Variants in ZNF440 observed in about 807,000 individuals in gnomAD.
ZNF440 encodes the protein zinc finger protein 440.
A neutral mutation model predicts 49.7 loss-of-function variants in ZNF440; 47 were observed. The ratio of observed to expected loss-of-function variants is 0.95; its 90% CI spans 0.75 to 1.21. The LOEUF is 1.21. Ranked by LOEUF, ZNF440 falls within the 50% of genes most tolerant of loss-of-function variation. The pLI is 0.00. For missense variants in ZNF440, 703 were observed against 715.0 expected (o/e 0.98, Z 0.19); for synonymous variants, 255 against 237.7 (o/e 1.07, Z -0.67).
intron 1 of ZNF440, among the ~76,000 whole-genome samples, chr19:11,829,563 C>G (rs1372341346): frequency 6.6e-6 from 1 of 151,996 alleles, no homozygotes; most frequent in Non-Finnish European, 1.5e-5. Flanking sequence ...ACCCACAGTC[C>G]AAAGAGACAT....
rs1403944894 is a variant in ZNF440 at position 11,831,502 on chromosome 19, T to C, written c.326T>C (p.Phe109Ser). 6.2e-7 allele frequency: 1 copy of C among 1,613,854 alleles called. No homozygotes were observed. The highest frequency in any genetic ancestry group is 1.3e-5 in the African/African-American group (1 of 74,922). The change falls in exon 4 of 4, where the codon TTT becomes TCT. Residue 109 changes from phenylalanine (F) to serine (S), a missense_variant. Coordinates refer to ENST00000304060, the MANE Select transcript of ZNF440 (RefSeq NM_152357.3). ...ASPEVKSCES[F>S]VCGEVGLGNS... ...CCTGAAGTAAAATCATGTGAAAGCT[T>C]TGTGTGTGGAGAAGTTGGCCTAGGT...
intron 1 of ZNF440, among the ~76,000 whole-genome samples, chr19:11,824,325 A>G (rs1351506838): frequency 6.6e-6 from 1 of 152,184 alleles, no homozygotes; most frequent in Non-Finnish European, 1.5e-5. Flanking sequence ...TAGAGTGTGC[A>G]TTCTAGAAAC....
rs555345914 is a variant in ZNF440, at chr19:11,832,935, G to A, written c.1759G>A (p.Glu587Lys). 231 of 1,608,572 alleles carry A rather than the reference G, an allele frequency of 1.4e-4. No individual in the cohort carries two copies. Among genetic ancestry groups the A allele is most frequent in the Middle Eastern group, 5.0e-4 (3 of 6,036 alleles). Residue 587 changes from glutamate to lysine, a missense_variant, in exon 4 of 4, where the codon GAA becomes AAA. Physicochemically the swap from Glu to Lys is moderately conservative, Grantham distance 56. Coordinates refer to ENST00000304060, the MANE Select transcript of ZNF440 (RefSeq NM_152357.3). ...GNPSDLPRTF[E>K]FMKGHKHT ...CCCTTCGGATCTGCCCAGAACCTTC[G>A]AATTCATGAAAGGACACAAACACAC...
intron 1 of ZNF440, among the ~76,000 whole-genome samples, chr19:11,824,915 A>G (rs1268202144): frequency 1.3e-5 from 2 of 151,740 alleles, no homozygotes; most frequent in Non-Finnish European, 2.9e-5. Flanking sequence ...CACCATATTG[A>G]CCAGGCTGGT....
In ZNF440 at chr19:11,818,613, G is replaced by A. The variant is rs181020585; in HGVS notation, c.3+4163G>A. On this transcript the variant is annotated intron_variant, in intron 1 of 3. Coordinates refer to ENST00000304060, the MANE Select transcript of ZNF440 (RefSeq NM_152357.3). ...GTGGCCCAGGCTGGAGCAGTGGTGC[G>A]ATCATGGCTTACTGCAACCTTGACC... 3.4e-3 allele frequency among the ~76,000 whole-genome samples: 513 copies of A among 152,020 alleles called. 1 individual carries two copies. Among genetic ancestry groups the A allele is most frequent in the Non-Finnish European group, 5.8e-3 (396 of 67,988 alleles).
chr19:11,830,137 T>A lies in ZNF440; in HGVS notation c.4-146T>A, dbSNP rs955424502. ...GTTGCTTTGTGGAAGAAAGTAAGTA[T>A]ACACAGGGAGAAAGAGATCTGATGA... On this transcript the variant is annotated intron_variant, in intron 1 of 3. Transcript: ENST00000304060. 30 of 1,468,972 alleles carry A rather than the reference T, an allele frequency of 2.0e-5. No homozygotes were observed. In the South Asian group the frequency reaches 4.2e-4, roughly 21 times the overall value. 91.0% of individuals were successfully genotyped at this position (1,468,972 alleles called of 1,614,324 possible).
intron 1 of ZNF440, chr19:11,816,828 A>C (rs1312325861): frequency 1.3e-5 from 2 of 152,162 alleles, no homozygotes; most frequent in Non-Finnish European, 2.9e-5. Flanking sequence ...ATGGGGTTTC[A>C]CCATGTTGGC....
chr19:11,815,284 T>TCACTCACACACACACACACA (rs770849579), intron 1 of ZNF440, among the ~76,000 whole-genome samples: 7 of 121,124 alleles, frequency 5.8e-5, no homozygotes, highest in African/African-American at 2.2e-4. Context: ...GGCAACTCCG[T>TCACTCACACACACACACACA]CACACACACA....
chr19:11,821,720 C>T (rs1046130229), intron 1 of ZNF440, among the ~76,000 whole-genome samples: 10 of 152,360 alleles, frequency 6.6e-5, no homozygotes, highest in African/African-American at 2.4e-4. Flanking sequence ...TTCCAGCCAG[C>T]ACGGCCCCTC....
At chr19:11,821,587 G>A (rs999187939) in intron 1 of ZNF440, among the ~76,000 whole-genome samples, 8 of 152,094 alleles carry the variant, frequency 5.3e-5, no homozygotes, top group African/African-American at 1.7e-4. Context: ...GGGGCACACA[G>A]GGGGGTATAG....
intron 1 of ZNF440, among the ~76,000 whole-genome samples, chr19:11,826,105 G>A (rs919799641): frequency 4.6e-5 from 7 of 152,056 alleles, no homozygotes; most frequent in African/African-American, 1.4e-4. Context: ...GCCACCGCAC[G>A]CGGCCAGGGC....
At chr19:11,815,313 C>CAG (rs1344132160) in intron 1 of ZNF440, among the ~76,000 whole-genome samples, 1 of 151,402 alleles carries the variant, frequency 6.6e-6, no homozygotes, top group African/African-American at 2.4e-5. Context: ...CACACACACA[C>CAG]ACACACACAC....
rs934023329 is a variant in ZNF440, at chr19:11,833,817, A to G, written c.*853A>G. On this transcript the variant is annotated 3_prime_UTR_variant, in exon 4 of 4. Transcript: ENST00000304060. ...GCATGGAAGGACTCACACTGGAGAA[A>G]AACCCTATGAATGTAAGCAGTATGG... 2.6e-5 allele frequency: 20 copies of G among 764,818 alleles called. No homozygotes were observed. The highest frequency in any genetic ancestry group is 3.7e-5 in the Non-Finnish European group (19 of 515,144). The allele number at this position is 764,818 out of a possible 1,614,324, so 47.4% of individuals were successfully genotyped here. A position where few individuals can be genotyped will look rare whatever the true frequency, so the allele number is the denominator to read the frequency against.
chr19:11,814,571 C>G (rs544361130), intron 1 of ZNF440, 121 bp downstream of exon 1: 1 of 1,204,134 alleles, frequency 8.3e-7, no homozygotes, highest in East Asian at 3.2e-5. Context: ...CGAGTCCCCT[C>G]GGTCGCAGGG....
At position 11,834,098 on chromosome 19, in the gene ZNF440, T is replaced by TA; in HGVS notation, c.*1135dup. On this transcript the variant is annotated 3_prime_UTR_variant, in exon 4 of 4. Transcript: ENST00000304060. ...ATTTTACTTTTCATGCTTCTGTACT[T>TA]ACATTTTTATCTCAACCTTAATTTT... 1 of 293,508 alleles carries TA rather than the reference T, an allele frequency of 3.4e-6. No individual in the cohort carries two copies. The allele number at this position is 293,508 out of a possible 1,614,324, so 18.2% of individuals were successfully genotyped here.
At chr19:11,827,145 C>A (rs1975876964) in intron 1 of ZNF440, among the ~76,000 whole-genome samples, 2 of 150,928 alleles carry the variant, frequency 1.3e-5, no homozygotes, top group African/African-American at 4.9e-5. Flanking sequence ...CTCACTGCAA[C>A]CTCTGTCTCC....
chr19:11,828,092 T>C (rs1599294746), intron 1 of ZNF440, among the ~76,000 whole-genome samples: 2 of 152,230 alleles, frequency 1.3e-5, no homozygotes, highest in Non-Finnish European at 2.9e-5. Context: ...AGGATATAAA[T>C]AACTCCCACA....
rs1364795653 is a variant in ZNF440 at position 11,814,440 on chromosome 19, G to A, written c.-8G>A. ...CAGAGGACGCCGGAACACCCTGGAA[G>A]CCGAGAAATGGTGTGTGTGAGGGGG... On this transcript the variant is annotated 5_prime_UTR_variant, in exon 1 of 4. Transcript: ENST00000304060. 2 of 1,556,328 alleles carry A rather than the reference G, an allele frequency of 1.3e-6. No homozygotes were observed. The highest frequency in any genetic ancestry group is 5.2e-5 in the East Asian group (2 of 38,828).
At chr19:11,830,083 C>G (rs1975915001) in intron 1 of ZNF440, 200 bp from the exon 2 acceptor site, 6 of 1,104,742 alleles carry the variant, frequency 5.4e-6, no homozygotes, top group Non-Finnish European at 7.5e-6. Context: ...GCACTGCAGC[C>G]TGGGCAACAA....
Sources: gnomAD v4.1 joint callset for allele counts (sites outside exome capture counted in the v4.1 genomes callset) on GRCh38, gnomAD v4.1.1 for gene constraint, MANE v1.5 for transcripts, NCBI Gene and HGNC (gene_info 2026-07-23, HGNC 2026-07-21) for gene names.